CNIH3: variants seen among roughly 807,000 people sequenced by gnomAD.
CNIH3 encodes protein cornichon homolog 3.
In CNIH3, 14 loss-of-function variants were observed where a neutral mutation model predicts 24.1. The ratio of observed to expected loss-of-function variants is 0.58; its 90% CI spans 0.38 to 0.91. The LOEUF is 0.91. Ranked by LOEUF, CNIH3 falls within the 40% of genes least tolerant of loss-of-function variation. The probability of loss-of-function intolerance (pLI) is 0.00; values close to 1 mark genes in which losing one functional copy is unlikely to be tolerated. For missense variants in CNIH3, 178 were observed against 196.8 expected, an observed-to-expected ratio of 0.90 and a Z score of 0.57; for synonymous variants, 68 against 73.8, an observed-to-expected ratio of 0.92 and a Z score of 0.40.
rs1376774519 is a variant in CNIH3 at position 224,739,962 on chromosome 1, G to A, written c.*606G>A. The A allele has an allele frequency of 1.3e-5, 2 of 152,322 alleles. No homozygotes were observed. The highest frequency in any genetic ancestry group is 2.9e-5 in the Non-Finnish European group (2 of 68,148). The allele number at this position is 152,322 out of a possible 1,614,324, so 9.4% of individuals were successfully genotyped here. A position where few individuals can be genotyped will look rare whatever the true frequency, so the allele number is the denominator to read the frequency against. On this transcript the variant is annotated 3_prime_UTR_variant, in exon 6 of 6. Transcript: ENST00000272133. ...GCCTGCTGGGCTATTTTCAGCTGAG[G>A]AGGGGTGAATATAGGAAAAATGCAT...
At chr1:224,708,147 G>A (rs1687923620) in intron 3 of CNIH3, among the ~76,000 whole-genome samples, 1 of 152,074 alleles carries the variant, frequency 6.6e-6, no homozygotes, top group South Asian at 2.1e-4. Flanking sequence ...ATGCTCTTGA[G>A]TAAGTGGAGG....
At chr1:224,649,783 A>G (rs879697937) in intron 1 of CNIH3, among the ~76,000 whole-genome samples, 5 of 152,186 alleles carry the variant, frequency 3.3e-5, no homozygotes, top group African/African-American at 4.8e-5. Context: ...AAGTATTTAC[A>G]CCTGTGAGGA....
chr1:224,672,077 A>G (rs748628000), intron 1 of CNIH3, among the ~76,000 whole-genome samples: 1 of 152,244 alleles, frequency 6.6e-6, no homozygotes, highest in Non-Finnish European at 1.5e-5. Context: ...GTGCTTTAAC[A>G]GGACCTTAGA....
At chr1:224,673,111 C>T (rs139937184) in intron 1 of CNIH3, among the ~76,000 whole-genome samples, 3 of 152,350 alleles carry the variant, frequency 2.0e-5, no homozygotes, top group African/African-American at 7.2e-5. Context: ...GTCAGCCCAG[C>T]ACCTGTTCCT....
chr1:224,504,146 G>C (rs61825794), intron 1 of CNIH3, among the ~76,000 whole-genome samples: 7,043 of 152,236 alleles, frequency 0.046, 241 homozygotes, highest in Non-Finnish European at 0.067. Context: ...TTAGACCTAG[G>C]TTCAAACCTG....
intron 4 of CNIH3, among the ~76,000 whole-genome samples, chr1:224,732,557 C>T (rs769870576): frequency 1.3e-5 from 2 of 152,132 alleles, no homozygotes; most frequent in South Asian, 2.1e-4. Context: ...TCAGCTCGGA[C>T]GTGGCAGGGC....
chr1:224,479,964 T>C (rs1676740481), intron 1 of CNIH3, among the ~76,000 whole-genome samples: 1 of 152,192 alleles, frequency 6.6e-6, no homozygotes, highest in South Asian at 2.1e-4. Context: ...GTAGAGACTC[T>C]GTGTGGGGGC....
chr1:224,510,598 A>G (rs1415623567), intron 1 of CNIH3, among the ~76,000 whole-genome samples: 2 of 69,516 alleles, frequency 2.9e-5, no homozygotes, highest in Non-Finnish European at 5.5e-5. Context: ...CCCTGTCTCA[A>G]AAAAAAAAAA....
intron 1 of CNIH3, among the ~76,000 whole-genome samples, chr1:224,678,785 T>A (rs925188556): frequency 1.1e-4 from 16 of 152,192 alleles, no homozygotes; most frequent in Non-Finnish European, 2.1e-4. Flanking sequence ...ACTGAATTTT[T>A]AATTTAATTT....
chr1:224,477,406 T>C lies in CNIH3; in HGVS notation n.204-38335T>C, dbSNP rs533293532. Among the ~76,000 whole-genome samples the C allele has an allele frequency of 8.3e-4, 126 of 152,352 alleles. 1 individual carries two copies. The highest frequency in any genetic ancestry group is 1.8e-3 in the Admixed American group (28 of 15,306). On this transcript the variant is annotated intron_variant and non_coding_transcript_variant, in intron 1 of 5. Coordinates refer to the CNIH3 transcript ENST00000471578. ...TAGGAGATTCTTCTGCCTGCTTATA[T>C]TGGAGAACCCCAAATCCAGTCCTAT...
intron 5 of CNIH3, chr1:224,587,515 GAATTTGACCTTGGAAAAT>G (rs1476387662): frequency 7.2e-5 from 11 of 152,370 alleles, no homozygotes; most frequent in South Asian, 2.1e-4. Context: ...ACCTGATAGA[GAATTTGACCTTGGAAAAT>G]GAGTGCATGT....
intron 1 of CNIH3, among the ~76,000 whole-genome samples, chr1:224,502,824 G>A (rs956597184): frequency 3.3e-5 from 5 of 152,156 alleles, no homozygotes; most frequent in Admixed American, 1.3e-4. Flanking sequence ...AGGAAGCCGT[G>A]GATTTAAACA....
At chr1:224,620,218 G>A (rs1408502331) in intron 1 of CNIH3, among the ~76,000 whole-genome samples, 1 of 152,214 alleles carries the variant, frequency 6.6e-6, no homozygotes, top group Non-Finnish European at 1.5e-5. Flanking sequence ...ATACCCTCAG[G>A]CACCTGGCCT....
At chr1:224,596,367 G>A (rs1371717936) in intron 3 of CNIH3, among the ~76,000 whole-genome samples, 1 of 152,200 alleles carries the variant, frequency 6.6e-6, no homozygotes, top group Non-Finnish European at 1.5e-5. Context: ...AGTATGTTAA[G>A]CCCACTGTTG....
chr1:224,725,165 G>A (rs1272085177), intron 3 of CNIH3, among the ~76,000 whole-genome samples: 1 of 152,176 alleles, frequency 6.6e-6, no homozygotes, highest in African/African-American at 2.4e-5. Flanking sequence ...AGCCAAGATC[G>A]TGCTACTGCA....
chr1:224,463,295 C>T (rs2102986194), intron 1 of CNIH3, among the ~76,000 whole-genome samples: 1 of 152,312 alleles, frequency 6.6e-6, no homozygotes, highest in South Asian at 2.1e-4. Context: ...CATATCCTTG[C>T]TGACTCTTGG....
At chr1:224,506,112 T>C (rs780822669) in intron 1 of CNIH3, among the ~76,000 whole-genome samples, 7 of 152,186 alleles carry the variant, frequency 4.6e-5, no homozygotes, top group Non-Finnish European at 1.0e-4. Context: ...CTTTCGAGAA[T>C]GAATCTTTTG....
At chr1:224,538,830 ATTTT>A (rs71574506), downstream of CNIH3, among the ~76,000 whole-genome samples, 4 of 124,230 alleles carry the variant, frequency 3.2e-5, no homozygotes, top group South Asian at 2.6e-4. Context: ...AGCTAATTAC[ATTTT>A]TTTTTTTTTT....
At chr1:224,465,183 C>T (rs2102989438) in intron 1 of CNIH3, among the ~76,000 whole-genome samples, 1 of 151,832 alleles carries the variant, frequency 6.6e-6, no homozygotes, top group East Asian at 1.9e-4. Context: ...AATCTTGGCT[C>T]ACCGCAACCT....
Sources: gnomAD v4.1 joint callset for allele counts (sites outside exome capture counted in the v4.1 genomes callset) on GRCh38, gnomAD v4.1.1 for gene constraint, MANE v1.5 for transcripts, NCBI Gene and HGNC (gene_info 2026-07-23, HGNC 2026-07-21) for gene names.